KLHL3: variants seen among roughly 807,000 people sequenced by gnomAD.
KLHL3 encodes kelch like family member 3, also known as kelch-like protein 3.
A neutral mutation model predicts 70.5 loss-of-function variants in KLHL3; 19 were observed. The observed-to-expected ratio is 0.27, with a 90% CI of 0.19 to 0.40. KLHL3 has a LOEUF of 0.40. KLHL3 is among the 10% of genes least tolerant of loss of function. The pLI, the probability that KLHL3 is intolerant of heterozygous loss-of-function variation, is 1.00. For missense variants in KLHL3, 512 were observed against 771.1 expected, an observed-to-expected ratio of 0.66 and a Z score of 3.98; for synonymous variants, 258 against 290.3, an observed-to-expected ratio of 0.89 and a Z score of 1.13.
At chr5:137,707,694 G>A (rs1325324945) in intron 3 of KLHL3, 2 of 154,310 alleles carry the variant, frequency 1.3e-5, no homozygotes, top group African/African-American at 2.4e-5. Flanking sequence ...TTTAATGGAA[G>A]GCTTGGGCTG....
intron 14 of KLHL3, among the ~76,000 whole-genome samples, chr5:137,624,448 A>G (rs1195436859): frequency 6.6e-6 from 1 of 152,230 alleles, no homozygotes; most frequent in Non-Finnish European, 1.5e-5. Flanking sequence ...AACTTCTTCT[A>G]AAATGTTTTA....
rs1756356614 is a variant in KLHL3 at position 137,620,246 on chromosome 5, C to A, written c.*1852G>T. ...TAAAAATTCTGGGTACCTTGTTGTT[C>A]TCCAAGCATCTTGTTGAAGTAACAT... On this transcript the variant is annotated 3_prime_UTR_variant, in exon 15 of 15. Transcript: ENST00000309755. 6.6e-6 allele frequency: 1 copy of A among 152,186 alleles called. No individual in the cohort carries two copies. The highest frequency in any genetic ancestry group is 1.5e-5 in the Non-Finnish European group (1 of 68,030). 9.4% of individuals were successfully genotyped at this position (152,186 alleles called of 1,614,324 possible).
Position 137,634,061 on chromosome 5 carries a change from T to G in KLHL3, c.1426A>C (p.Met476Leu). 6.2e-7 allele frequency: 1 copy of G among 1,614,210 alleles called. No homozygotes were observed. The highest frequency in any genetic ancestry group is 8.5e-7 in the Non-Finnish European group (1 of 1,180,042). The change falls in exon 12 of 15, where the codon ATG becomes CTG. Residue 476 changes from methionine (M) to leucine (L), a missense_variant. By Grantham distance (15) the Met-to-Leu change is conservative. Transcript: ENST00000309755. ...CCTGCGCCACTGCGGCGGGTGCTCATGTCCGCCACGTATATCCATTCATTG... is the reference window on the plus strand; with the variant it reads ...CCTGCGCCACTGCGGCGGGTGCTCAGGTCCGCCACGTATATCCATTCATTG... ...ATNEWIYVAD[M>L]STRRSGAGVG...
chr5:137,655,214 A>G (rs1403524505), intron 8 of KLHL3, among the ~76,000 whole-genome samples: 5 of 152,246 alleles, frequency 3.3e-5, no homozygotes, highest in Non-Finnish European at 7.3e-5. Flanking sequence ...AATAAAAAGC[A>G]GCACACTTAG....
intron 12 of KLHL3, among the ~76,000 whole-genome samples, chr5:137,632,953 A>T (rs945109281): frequency 6.6e-6 from 1 of 152,220 alleles, no homozygotes; most frequent in Non-Finnish European, 1.5e-5. Context: ...TTAAAACCAC[A>T]GTGAGATATC....
intron 5 of KLHL3, among the ~76,000 whole-genome samples, chr5:137,683,992 A>G (rs1425047960): frequency 6.6e-6 from 1 of 152,196 alleles, no homozygotes; most frequent in Non-Finnish European, 1.5e-5. Context: ...AGATGCAGAA[A>G]ATCCAAGAGA....
chr5:137,629,173 C>A (rs750724178), intron 12 of KLHL3: 5 of 152,130 alleles, frequency 3.3e-5, no homozygotes, highest in Non-Finnish European at 7.4e-5. Flanking sequence ...TTTTAAAATC[C>A]TTTTATACAA....
At chr5:137,687,130 G>GC (rs1752198694) in intron 5 of KLHL3, among the ~76,000 whole-genome samples, 2 of 76,396 alleles carry the variant, frequency 2.6e-5, no homozygotes, top group Non-Finnish European at 5.4e-5. Context: ...GGGGGGATCA[G>GC]CCCCCCGCCT....
At chr5:137,642,722 A>T (rs769478776) in intron 8 of KLHL3, among the ~76,000 whole-genome samples, 1 of 152,260 alleles carries the variant, frequency 6.6e-6, no homozygotes, top group Non-Finnish European at 1.5e-5. Flanking sequence ...AATATGTTGG[A>T]ACACCAGGTT....
intron 1 of KLHL3, among the ~76,000 whole-genome samples, chr5:137,726,286 G>A (rs1055658414): frequency 6.6e-6 from 1 of 152,092 alleles, no homozygotes; most frequent in East Asian, 1.9e-4. Context: ...CAGTCTACAG[G>A]ATAAAGTCAT....
At chr5:137,718,861 A>G (rs1016089629) in intron 2 of KLHL3, among the ~76,000 whole-genome samples, 1 of 152,246 alleles carries the variant, frequency 6.6e-6, no homozygotes, top group African/African-American at 2.4e-5. Flanking sequence ...GTGGAGCATA[A>G]GACAAATTTA....
chr5:137,652,558 G>A lies in KLHL3; in HGVS notation c.903+5573C>T, dbSNP rs577400418. 8.3e-4 allele frequency among the ~76,000 whole-genome samples: 127 copies of A among 152,296 alleles called. 1 individual carries two copies. Among genetic ancestry groups the A allele is most frequent in the Non-Finnish European group, 5.9e-5 (4 of 68,014 alleles). ...GACATTACGTTAAGTGAAATAAGCA[G>A]GGCACAAAAGGACAAATAACATACA... On this transcript the variant is annotated intron_variant, in intron 8 of 14. Transcript: ENST00000309755.
chr5:137,661,577 GC>G (rs1751476215), intron 7 of KLHL3: 1 of 193,400 alleles, frequency 5.2e-6, no homozygotes, highest in African/African-American at 2.3e-5. Flanking sequence ...ACACGAAGCA[GC>G]TGACTTGCAT....
intron 14 of KLHL3, 85 bp from the exon 15 acceptor site, chr5:137,622,211 C>A: frequency 6.8e-7 from 1 of 1,467,912 alleles, no homozygotes. Flanking sequence ...CCAAGATATC[C>A]TGAGTCACAG....
intron 3 of KLHL3, among the ~76,000 whole-genome samples, chr5:137,700,451 C>T (rs1011560305): frequency 6.6e-6 from 1 of 152,102 alleles, no homozygotes; most frequent in East Asian, 1.9e-4. Flanking sequence ...CTGTTTTCTG[C>T]CTGTGGAATT....
At chr5:137,702,730 A>G (rs1488844984) in intron 3 of KLHL3, among the ~76,000 whole-genome samples, 5 of 152,234 alleles carry the variant, frequency 3.3e-5, no homozygotes, top group Non-Finnish European at 5.9e-5. Context: ...CTGCTGCAGA[A>G]TATCAGGTAA....
chr5:137,723,956 T>A (rs1753045872), intron 1 of KLHL3, among the ~76,000 whole-genome samples: 1 of 152,256 alleles, frequency 6.6e-6, no homozygotes, highest in Non-Finnish European at 1.5e-5. Context: ...TCTTTGTGTA[T>A]CTAATGAGAT....
intron 12 of KLHL3, among the ~76,000 whole-genome samples, chr5:137,630,855 C>T (rs1030681582): frequency 6.6e-6 from 1 of 152,138 alleles, no homozygotes; most frequent in African/African-American, 2.4e-5. Flanking sequence ...GAAGGGCCAA[C>T]CTGTCAGAAT....
At chr5:137,676,396 T>C (rs1294581935) in intron 6 of KLHL3, among the ~76,000 whole-genome samples, 1 of 152,126 alleles carries the variant, frequency 6.6e-6, no homozygotes, top group Non-Finnish European at 1.5e-5. Flanking sequence ...TCAAAAAACA[T>C]TTATTGAGCA....
Sources: gnomAD v4.1 joint callset for allele counts (sites outside exome capture counted in the v4.1 genomes callset) on GRCh38, gnomAD v4.1.1 for gene constraint, MANE v1.5 for transcripts, NCBI Gene and HGNC (gene_info 2026-07-23, HGNC 2026-07-21) for gene names.